FAM76A: variants seen among roughly 807,000 people sequenced by gnomAD.
FAM76A encodes the protein family with sequence similarity 76 member A, also known as protein FAM76A.
FAM76A carries 32 observed loss-of-function variants against 46.2 expected under a neutral mutation model. The ratio of observed to expected loss-of-function variants is 0.69; its 90% CI spans 0.52 to 0.93. The LOEUF (loss-of-function observed/expected upper bound fraction) is 0.93. FAM76A is among the 40% of genes least tolerant of loss of function. The probability of loss-of-function intolerance (pLI) is 0.00; values close to 1 mark genes in which losing one functional copy is unlikely to be tolerated. For missense variants in FAM76A, 274 were observed against 361.5 expected, an observed-to-expected ratio of 0.76 and a Z score of 1.96; for synonymous variants, 137 against 127.0, an observed-to-expected ratio of 1.08 and a Z score of -0.53.
At chr1:27,756,334 T>G (rs1557788154) in intron 7 of FAM76A, among the ~76,000 whole-genome samples, 1 of 152,168 alleles carries the variant, frequency 6.6e-6, no homozygotes, top group Non-Finnish European at 1.5e-5. Context: ...TTTTTTTGTT[T>G]TTTGAGACAG....
chr1:27,737,893 CAG>C (rs1343994237), intron 4 of FAM76A, among the ~76,000 whole-genome samples: 6 of 89,272 alleles, frequency 6.7e-5, no homozygotes, highest in South Asian at 7.1e-4. Context: ...AAAAAAAAAA[CAG>C]AAAAAAAAAA....
Position 27,760,760 on chromosome 1 carries a change from A to G in FAM76A, c.*179A>G. 2.9e-6 allele frequency: 1 copy of G among 349,978 alleles called. No individual in the cohort carries two copies. The highest frequency in any genetic ancestry group is 5.5e-6 in the Non-Finnish European group (1 of 182,220). The allele number at this position is 349,978 out of a possible 1,614,324, so 21.7% of individuals were successfully genotyped here. ...AAACACCTGGTTTGTGCTGTGTTAGACTGCATGCTTGAGTGTTTGGGATTT... is the reference window on the plus strand; with the variant it reads ...AAACACCTGGTTTGTGCTGTGTTAGGCTGCATGCTTGAGTGTTTGGGATTT... On this transcript the variant is annotated 3_prime_UTR_variant, in exon 9 of 9. Transcript: ENST00000373954.
rs1557779296 is a variant in FAM76A at position 27,740,066 on chromosome 1, G to C, written c.355-4588G>C. The C allele has an allele frequency of 7.4e-6, 3 of 407,800 alleles. No homozygotes were observed. The East Asian group carries it at 1.7e-4, about 23-fold the overall frequency. 25.3% of individuals were successfully genotyped at this position (407,800 alleles called of 1,614,324 possible). A position where few individuals can be genotyped will look rare whatever the true frequency, so the allele number is the denominator to read the frequency against. On this transcript the variant is annotated intron_variant, in intron 4 of 8. Transcript: ENST00000373954. ...GGGTCCACCTGGATGTCATGGATGGGCACTTTGTTCCCAACGTCACCTTTG... is the reference window on the plus strand; with the variant it reads ...GGGTCCACCTGGATGTCATGGATGGCCACTTTGTTCCCAACGTCACCTTTG...
At chr1:27,736,064 G>C (rs1024774877) in intron 4 of FAM76A, among the ~76,000 whole-genome samples, 3 of 152,158 alleles carry the variant, frequency 2.0e-5, no homozygotes, top group African/African-American at 7.2e-5. Flanking sequence ...GCTTGTGCCT[G>C]TAATCCCAAC....
chr1:27,746,940 G>A (rs1375103622), intron 5 of FAM76A, among the ~76,000 whole-genome samples: 1 of 151,974 alleles, frequency 6.6e-6, no homozygotes, highest in Admixed American at 6.6e-5. Flanking sequence ...CAGGTGTAGT[G>A]GCACACACCT....
chr1:27,761,101 T>G lies in FAM76A; in HGVS notation c.*520T>G, dbSNP rs1013932956. 6.6e-6 allele frequency: 1 copy of G among 152,322 alleles called. No individual in the cohort carries two copies. Among genetic ancestry groups the G allele is most frequent in the Non-Finnish European group, 1.5e-5 (1 of 67,972 alleles). 9.4% of individuals were successfully genotyped at this position (152,322 alleles called of 1,614,324 possible). ...AGAGGCTTTCTCTCTCCAATAAACC[T>G]TTTGCTTCAGGGTATACTCTTCGGT... On this transcript the variant is annotated 3_prime_UTR_variant, in exon 9 of 9. Transcript: ENST00000373954.
intron 5 of FAM76A, 92 bp downstream of exon 5, chr1:27,744,903 A>G (rs1444545324): frequency 4.0e-6 from 5 of 1,264,938 alleles, no homozygotes; most frequent in Non-Finnish European, 5.5e-6. Flanking sequence ...ACCATCTCAT[A>G]TACATTTTCT....
intron 1 of FAM76A, 70 bp from the exon 2 acceptor site, chr1:27,727,402 G>A: frequency 1.6e-6 from 2 of 1,264,620 alleles, no homozygotes. Context: ...TAGTACCCAG[G>A]TCGGCTTCCT....
At chr1:27,738,476 C>CAA (rs199565673) in intron 4 of FAM76A, among the ~76,000 whole-genome samples, 2 of 145,004 alleles carry the variant, frequency 1.4e-5, no homozygotes, top group African/African-American at 5.1e-5. Flanking sequence ...GACTCTGTCT[C>CAA]AAAAAAAAAA....
chr1:27,743,788 C>T (rs1420474074), intron 4 of FAM76A, among the ~76,000 whole-genome samples: 4 of 151,698 alleles, frequency 2.6e-5, no homozygotes, highest in African/African-American at 9.7e-5. Flanking sequence ...AAACGAACAC[C>T]TGATTAGGTG....
At chr1:27,736,520 G>A (rs1259941875) in intron 4 of FAM76A, among the ~76,000 whole-genome samples, 1 of 152,150 alleles carries the variant, frequency 6.6e-6, no homozygotes, top group Admixed American at 6.6e-5. Context: ...ACGGAATCTG[G>A]TACATGAAAA....
chr1:27,749,658 C>G (rs1220081881), intron 6 of FAM76A, among the ~76,000 whole-genome samples: 1 of 152,144 alleles, frequency 6.6e-6, no homozygotes, highest in African/African-American at 2.4e-5. Flanking sequence ...GCCCAGCTTC[C>G]CCTACACTAA....
At chr1:27,756,314 C>CT (rs954246371) in intron 7 of FAM76A, among the ~76,000 whole-genome samples, 2 of 151,916 alleles carry the variant, frequency 1.3e-5, no homozygotes, top group African/African-American at 2.4e-5. Flanking sequence ...TATTAATACT[C>CT]TTTTTTTTCT....
chr1:27,760,345 A>C, intron 8 of FAM76A, 150 bp from the exon 9 acceptor site: 29 of 565,952 alleles, frequency 5.1e-5, no homozygotes, highest in Non-Finnish European at 7.1e-5. Flanking sequence ...TTCAAGCCCT[A>C]GAGCTTCCTG....
chr1:27,760,443 G>A (rs1392419823), intron 8 of FAM76A, 52 bp from the exon 9 acceptor site: 3 of 1,472,646 alleles, frequency 2.0e-6, no homozygotes, highest in East Asian at 4.7e-5. Context: ...ATGAAAAATA[G>A]CTTATATCCT....
At position 27,726,064 on chromosome 1, in the gene FAM76A, C is replaced by T; in HGVS notation, c.-17C>T. 1 of 1,239,572 alleles carries T rather than the reference C, an allele frequency of 8.1e-7. No homozygotes were observed. Among genetic ancestry groups the T allele is most frequent in the Non-Finnish European group, 1.0e-6 (1 of 993,730 alleles). 76.8% of individuals were successfully genotyped at this position (1,239,572 alleles called of 1,614,324 possible). On this transcript the variant is annotated 5_prime_UTR_variant, in exon 1 of 9. Coordinates refer to ENST00000373954, the MANE Select transcript of FAM76A (RefSeq NM_152660.3). ...CGGGCCGGGCCGGCGGGTCGGTGAG[C>T]GCGGCCCGGGCCGGACATGGCGGCG...
At chr1:27,738,248 T>G (rs1163991900) in intron 4 of FAM76A, among the ~76,000 whole-genome samples, 1 of 151,904 alleles carries the variant, frequency 6.6e-6, no homozygotes, top group Non-Finnish European at 1.5e-5. Flanking sequence ...TCCCAGCACT[T>G]TAGAAGGCTG....
At chr1:27,758,762 G>A (rs555956010) in intron 7 of FAM76A, among the ~76,000 whole-genome samples, 10 of 140,630 alleles carry the variant, frequency 7.1e-5, no homozygotes, top group East Asian at 4.3e-4. Flanking sequence ...CAAGTATTCC[G>A]CCCTTTTGGC....
chr1:27,756,004 G>A lies in FAM76A; in HGVS notation c.735+674G>A, dbSNP rs1411353818. Among the ~76,000 whole-genome samples the A allele has an allele frequency of 2.6e-5, 4 of 152,362 alleles. No homozygotes were observed. The East Asian group carries it at 7.7e-4, about 29-fold the overall frequency. ...TTGGCATGAGCTACCTGGAGAGGCT[G>A]TAATCAGAAGGTGCTGAATAAGCAT... On this transcript the variant is annotated intron_variant, in intron 7 of 8. Coordinates refer to ENST00000373954, the MANE Select transcript of FAM76A (RefSeq NM_152660.3).
Sources: gnomAD v4.1 joint callset for allele counts (sites outside exome capture counted in the v4.1 genomes callset) on GRCh38, gnomAD v4.1.1 for gene constraint, MANE v1.5 for transcripts, NCBI Gene and HGNC (gene_info 2026-07-23, HGNC 2026-07-21) for gene names.